Variants in ZDHHC11 observed in about 807,000 individuals in gnomAD.
ZDHHC11 encodes zDHHC palmitoyltransferase 11, also known as palmitoyltransferase ZDHHC11.
In ZDHHC11, 44 loss-of-function variants were observed where a neutral mutation model predicts 51.3. That is an observed-to-expected ratio of 0.86 (90% CI 0.67 to 1.10). ZDHHC11 has a LOEUF of 1.10. Among genes scored for constraint, ZDHHC11 ranks in the 50% least tolerant of loss-of-function variants. ZDHHC11 has a pLI of 0.00. For synonymous variants in ZDHHC11, 163 were observed against 222.0 expected (o/e 0.73, Z 2.36); for missense variants, 400 against 537.7 (o/e 0.74, Z 2.53).
intron 4 of ZDHHC11, among the ~76,000 whole-genome samples, chr5:842,924 T>TA (rs1745277208): frequency 6.6e-6 from 1 of 152,238 alleles, no homozygotes. Flanking sequence ...TCCTTTCTCT[T>TA]ACAAGCACAC....
chr5:806,931 A>G (rs1477919120), intron 11 of ZDHHC11, among the ~76,000 whole-genome samples: 1 of 151,218 alleles, frequency 6.6e-6, no homozygotes, highest in Non-Finnish European at 1.5e-5. Context: ...TTTAAAAAAC[A>G]GTGGCCTTAT....
At chr5:848,775 C>A (rs1364968061) in intron 1 of ZDHHC11, 115 bp from the exon 2 acceptor site, 2 of 1,452,046 alleles carry the variant, frequency 1.4e-6, no homozygotes, top group East Asian at 2.5e-5. Context: ...GCTCACCCAG[C>A]CCTGCACACG....
chr5:845,523 C>T (rs1193270895), intron 3 of ZDHHC11, among the ~76,000 whole-genome samples: 1 of 152,186 alleles, frequency 6.6e-6, no homozygotes, highest in Non-Finnish European at 1.5e-5. Context: ...CCGAGGCCAG[C>T]GCTCACAGTC....
chr5:829,060 C>G (rs1384873663), intron 7 of ZDHHC11, among the ~76,000 whole-genome samples: 40 of 133,314 alleles, frequency 3.0e-4, no homozygotes, highest in African/African-American at 1.0e-3. Flanking sequence ...AGAGCACAAA[C>G]AGACAATCTA....
rs1190856837 is a variant in ZDHHC11 at position 829,553 on chromosome 5, C to T, written c.935+4220G>A. ...TCCAGGATGTATTCACAGCTGAATT[C>T]TATCAGGCATCCAAAGAAGGACTGG... is the stretch of plus-strand genomic sequence containing the variant. On this transcript the variant is annotated intron_variant, in intron 7 of 12. Transcript: ENST00000283441. Among the ~76,000 whole-genome samples, 6 of 151,594 alleles carry T rather than the reference C, an allele frequency of 4.0e-5. 1 individual carries two copies. Among genetic ancestry groups the T allele is most frequent in the African/African-American group, 1.5e-4 (6 of 41,108 alleles).
At chr5:859,506 T>G (rs1188269736), upstream of ZDHHC11, among the ~76,000 whole-genome samples, 2 of 152,070 alleles carry the variant, frequency 1.3e-5, no homozygotes, top group Non-Finnish European at 2.9e-5. Flanking sequence ...CCAGGAAGAC[T>G]GCGACCCCAG....
Position 802,288 on chromosome 5 carries a change from A to C in ZDHHC11, c.1182-1124T>G, listed in dbSNP as rs2150283216. Among the ~76,000 whole-genome samples the C allele has an allele frequency of 1.3e-5, 2 of 151,506 alleles. 1 individual carries two copies. The highest frequency in any genetic ancestry group is 6.8e-3 in the Middle Eastern group (2 of 294). ...GGTAGACACAGAGAAGTGCTAGGAAAAAATGCACAGAAGGAAGTGACAGGA... is the reference window on the plus strand; with the variant it reads ...GGTAGACACAGAGAAGTGCTAGGAACAAATGCACAGAAGGAAGTGACAGGA... On this transcript the variant is annotated intron_variant, in intron 11 of 12. Coordinates refer to ENST00000283441, the MANE Select transcript of ZDHHC11 (RefSeq NM_024786.3).
chr5:844,211 G>A (rs1282270093), intron 3 of ZDHHC11, among the ~76,000 whole-genome samples: 6 of 152,274 alleles, frequency 3.9e-5, no homozygotes, highest in African/African-American at 7.2e-5. Context: ...GCCCCCCCAG[G>A]TCTCCAGGCC....
intron 12 of ZDHHC11, among the ~76,000 whole-genome samples, chr5:799,551 T>C (rs1476568111): frequency 6.6e-6 from 1 of 151,514 alleles, no homozygotes; most frequent in African/African-American, 2.4e-5. Context: ...CATGGAAGGA[T>C]GTCCACAGAA....
Position 837,440 on chromosome 5 carries a change from G to T in ZDHHC11, c.825C>A (p.Asn275Lys). The T allele has an allele frequency of 6.2e-7, 1 of 1,611,412 alleles. No homozygotes were observed. The highest frequency in any genetic ancestry group is 1.1e-5 in the South Asian group (1 of 91,034). The change falls in exon 6 of 13, where the codon AAC becomes AAA. Residue 275 changes from asparagine to lysine, a missense_variant. Physicochemically the swap from Asn to Lys is moderately conservative, Grantham distance 94. Coordinates refer to ENST00000283441, the MANE Select transcript of ZDHHC11 (RefSeq NM_024786.3). ...GATGTTTTGAACTCTCTTCTTTGCGGTTATTAATGAGATACTCAAAGGTGG... is the reference window on the plus strand; with the variant it reads ...GATGTTTTGAACTCTCTTCTTTGCGTTTATTAATGAGATACTCAAAGGTGG... ...KMTTFEYLIN[N>K]RKEESSKHQA... is the part of the protein sequence containing the mutation.
chr5:824,125 A>G (rs1422983565), intron 8 of ZDHHC11: 2 of 453,432 alleles, frequency 4.4e-6, no homozygotes, highest in African/African-American at 4.0e-5. Context: ...ACACACCTGT[A>G]ACCTCCAGAA....
intron 3 of ZDHHC11, among the ~76,000 whole-genome samples, chr5:845,605 C>G (rs1312794630): frequency 2.0e-5 from 3 of 152,158 alleles, no homozygotes; most frequent in Non-Finnish European, 2.9e-5. Flanking sequence ...AGTATGCAGC[C>G]TCCCTCACAG....
chr5:822,825 C>T (rs1741738500), intron 8 of ZDHHC11, among the ~76,000 whole-genome samples: 2 of 151,888 alleles, frequency 1.3e-5, no homozygotes, highest in African/African-American at 4.8e-5. Context: ...CCTTAATCTG[C>T]TTTCTTGCAG....
chr5:848,693 C>T, intron 1 of ZDHHC11, 33 bp from the exon 2 acceptor site: 1 of 1,611,266 alleles, frequency 6.2e-7, no homozygotes, highest in Non-Finnish European at 8.5e-7. Flanking sequence ...GGCCCAGGGC[C>T]TGGTCAGCCT....
intron 8 of ZDHHC11, among the ~76,000 whole-genome samples, chr5:824,552 G>T (rs1381254158): frequency 6.6e-6 from 1 of 151,468 alleles, no homozygotes; most frequent in East Asian, 1.9e-4. Flanking sequence ...CAGCCGCGCT[G>T]GTCTTTTCCT....
At chr5:799,398 C>T (rs1738093780) in intron 12 of ZDHHC11, among the ~76,000 whole-genome samples, 1 of 151,622 alleles carries the variant, frequency 6.6e-6, no homozygotes, top group East Asian at 1.9e-4. Flanking sequence ...AATCATAAGC[C>T]AAATACACGA....
intron 10 of ZDHHC11, chr5:816,216 T>C: frequency 4.6e-6 from 1 of 217,944 alleles, no homozygotes; most frequent in East Asian, 1.1e-4. Context: ...TGAAGGGAAA[T>C]TTTTAAATGC....
At chr5:859,854 G>GC (rs374439090), upstream of ZDHHC11, among the ~76,000 whole-genome samples, 1,146 of 152,292 alleles carry the variant, frequency 7.5e-3, 16 homozygotes, top group African/African-American at 0.026. Flanking sequence ...CGGTTGGGGG[G>GC]GGTCCCCAAG....
chr5:808,486 C>A (rs1296022784), intron 11 of ZDHHC11, among the ~76,000 whole-genome samples: 1 of 146,730 alleles, frequency 6.8e-6, no homozygotes, highest in African/African-American at 2.5e-5. Flanking sequence ...ACTCAGTTCC[C>A]TTTGGACGTC....
Sources: gnomAD v4.1 joint callset for allele counts (sites outside exome capture counted in the v4.1 genomes callset) on GRCh38, gnomAD v4.1.1 for gene constraint, MANE v1.5 for transcripts, NCBI Gene and HGNC (gene_info 2026-07-23, HGNC 2026-07-21) for gene names.